PEX11G: variants seen among roughly 807,000 people sequenced by gnomAD.
PEX11G encodes the protein peroxisomal biogenesis factor 11 gamma.
PEX11G carries 20 observed loss-of-function variants against 22.5 expected under a neutral mutation model. That is an observed-to-expected ratio of 0.89 (90% CI 0.62 to 1.29). The LOEUF is 1.29. Ranked by LOEUF, PEX11G falls within the 50% of genes most tolerant of loss-of-function variation. The pLI is 0.00. For missense variants in PEX11G, 347 were observed against 331.3 expected (o/e 1.05, Z -0.37); for synonymous variants, 141 against 154.5 (o/e 0.91, Z 0.65).
chr19:7,494,107 C>T (rs1307247662), intron 1 of PEX11G, among the ~76,000 whole-genome samples: 1 of 151,996 alleles, frequency 6.6e-6, no homozygotes, highest in Non-Finnish European at 1.5e-5. Context: ...GGGTTTTGCC[C>T]TGTTGGCCAG....
At chr19:7,489,076 C>T (rs1014726728), upstream of PEX11G, 3 of 1,424,320 alleles carry the variant, frequency 2.1e-6, no homozygotes, top group East Asian at 5.6e-5. Context: ...GGCCGGGGTA[C>T]CGGGAGCGCC....
intron 3 of PEX11G, among the ~76,000 whole-genome samples, chr19:7,479,164 T>C (rs982542824): frequency 6.6e-6 from 1 of 152,142 alleles, no homozygotes; most frequent in Non-Finnish European, 1.5e-5. Context: ...AAAACACTGA[T>C]TCCTGGGCTC....
At chr19:7,487,936 C>A (rs2021736086) in intron 1 of PEX11G, among the ~76,000 whole-genome samples, 1 of 152,130 alleles carries the variant, frequency 6.6e-6, no homozygotes, top group South Asian at 2.1e-4. Flanking sequence ...CCTGGTACAA[C>A]CTGAATGTCT....
At chr19:7,484,996 G>T (rs953817718) in intron 2 of PEX11G, among the ~76,000 whole-genome samples, 1 of 152,134 alleles carries the variant, frequency 6.6e-6, no homozygotes, top group African/African-American at 2.4e-5. Context: ...GGAGCACTTT[G>T]GGACAAGACT....
Position 7,477,364 on chromosome 19 carries a change from G to A in PEX11G, c.564C>T (p.Asn188=). 1.3e-5 allele frequency: 21 copies of A among 1,560,044 alleles called. No homozygotes were observed. Among genetic ancestry groups the A allele is most frequent in the Non-Finnish European group, 1.7e-5 (20 of 1,154,790 alleles). Reference sequence around the variant, plus strand: ...GCACGGCGTTGGCCAGGTCGGCCAGGTTGCTGAGAAGTGACAGCGCCTCCG... The same window carrying A: ...GCACGGCGTTGGCCAGGTCGGCCAGATTGCTGAGAAGTGACAGCGCCTCCG... The part of the protein sequence containing the change: ...MQSEALSLLS[N]LADLANAVHW... Residue 188 remains asparagine, a synonymous_variant, in exon 5 of 5, where the codon AAC becomes AAT. Transcript: ENST00000221480.
chr19:7,489,551 G>T, upstream of PEX11G: 1 of 947,834 alleles, frequency 1.1e-6, no homozygotes, highest in Non-Finnish European at 1.3e-6. Flanking sequence ...GCACAATTCA[G>T]TGACATTAGT....
rs1225538622 is a variant in PEX11G, at chr19:7,478,397, G to A, written c.429-21C>T. ...GGGACCTGCAGCACCAGAGCCCGAG[G>A]GAGGATGCCCCGGCGGGGAGCAGGA... On this transcript the variant is annotated intron_variant, in intron 3 of 4. Coordinates refer to ENST00000221480, the MANE Select transcript of PEX11G (RefSeq NM_080662.4). 32 of 1,602,062 alleles carry A rather than the reference G, an allele frequency of 2.0e-5. No homozygotes were observed. The East Asian group carries it at 7.0e-4, about 35-fold the overall frequency.
At chr19:7,485,349 T>C (rs907001584) in intron 2 of PEX11G, among the ~76,000 whole-genome samples, 2 of 151,474 alleles carry the variant, frequency 1.3e-5, no homozygotes, top group African/African-American at 4.9e-5. Context: ...TTTTGTATTA[T>C]CAGTAGAGAC....
upstream of PEX11G, among the ~76,000 whole-genome samples, chr19:7,491,346 G>A (rs1003642762): frequency 1.4e-5 from 2 of 143,030 alleles, no homozygotes; most frequent in Non-Finnish European, 3.0e-5. Flanking sequence ...CTCAGCTCAC[G>A]GCAGCCTCCG....
In PEX11G at chr19:7,481,978, TA is replaced by T. The variant is rs1465395939; in HGVS notation, c.428+54del. 35 of 1,465,152 alleles carry T rather than the reference TA, an allele frequency of 2.4e-5. No homozygotes were observed. In the Admixed American group the frequency reaches 8.4e-4, roughly 35 times the overall value. 90.8% of individuals were successfully genotyped at this position (1,465,152 alleles called of 1,614,324 possible). ...GTTGCTGGGGCCGCTGCCACTTTGC[TA>T]AGGAGGCACCGCCCAGGGACCTTGG... On this transcript the variant is annotated intron_variant, in intron 3 of 4. Coordinates refer to ENST00000221480, the MANE Select transcript of PEX11G (RefSeq NM_080662.4).
upstream of PEX11G, among the ~76,000 whole-genome samples, chr19:7,490,725 C>T (rs889450056): frequency 2.9e-5 from 4 of 135,824 alleles, no homozygotes; most frequent in African/African-American, 1.1e-4. Flanking sequence ...GAAGCCGCCA[C>T]TTGTGTGCTC....
In PEX11G at chr19:7,494,924, G is replaced by A. The variant is rs554193333; in HGVS notation, c.-457+2479C>T. Among the ~76,000 whole-genome samples, 223 of 152,222 alleles carry A rather than the reference G, an allele frequency of 1.5e-3. 1 individual carries two copies. The highest frequency in any genetic ancestry group is 5.1e-3 in the African/African-American group (213 of 41,544). Reference sequence around the variant, plus strand: ...TCTGCTACTAGCTAATACCAGCAACGGCTGTTCCTTACCAAGCACAGCTTT... The same window carrying A: ...TCTGCTACTAGCTAATACCAGCAACAGCTGTTCCTTACCAAGCACAGCTTT... On this transcript the variant is annotated intron_variant, in intron 1 of 6. Coordinates refer to the PEX11G transcript ENST00000593942.
At chr19:7,478,480 G>A (rs1240524121) in intron 3 of PEX11G, 104 bp from the exon 4 acceptor site, 73 of 1,230,192 alleles carry the variant, frequency 5.9e-5, no homozygotes, top group Admixed American at 1.6e-4. Flanking sequence ...GCTGCATCTC[G>A]GATAAACGGC....
At chr19:7,486,089 C>A in intron 1 of PEX11G, 63 bp from the exon 2 acceptor site, 1 of 1,422,200 alleles carries the variant, frequency 7.0e-7, no homozygotes. Flanking sequence ...CTGCATCCCC[C>A]CATACCTGGC....
At position 7,488,939 on chromosome 19, in the gene PEX11G, C is replaced by A. The variant is rs1367839232; in HGVS notation, c.60+12G>T. 22 of 1,550,512 alleles carry A rather than the reference C, an allele frequency of 1.4e-5. No individual in the cohort carries two copies. The Admixed American group carries it at 4.3e-4, about 30-fold the overall frequency. The stretch of plus-strand genomic sequence containing the variant: ...CTCTAGGACCTCCGGCCCCGGTCCG[C>A]CCCTGCCTCACCAGGCGGTCCCGGC... On this transcript the variant is annotated intron_variant, in intron 1 of 4. Transcript: ENST00000221480.
chr19:7,479,559 G>A (rs1168579360), intron 3 of PEX11G, among the ~76,000 whole-genome samples: 1 of 152,240 alleles, frequency 6.6e-6, no homozygotes, highest in Non-Finnish European at 1.5e-5. Flanking sequence ...TGCTCCGGCA[G>A]CCCTGGGCCT....
At chr19:7,484,002 C>T (rs1977629781) in intron 2 of PEX11G, among the ~76,000 whole-genome samples, 1 of 151,834 alleles carries the variant, frequency 6.6e-6, no homozygotes, top group African/African-American at 2.4e-5. Flanking sequence ...TAAATAAATC[C>T]GAAGCTGCAT....
chr19:7,483,433 C>G (rs1387994608), intron 2 of PEX11G: 1 of 152,556 alleles, frequency 6.6e-6, no homozygotes, highest in African/African-American at 2.4e-5. Context: ...CAGAGGCTCA[C>G]CAGGGCAGGG....
At chr19:7,483,071 G>T (rs142625845) in intron 2 of PEX11G, among the ~76,000 whole-genome samples, 5,330 of 142,758 alleles carry the variant, frequency 0.037, 305 homozygotes, top group African/African-American at 0.11. Context: ...CCGCCCCCTT[G>T]GGACCCCACC....
Sources: gnomAD v4.1 joint callset for allele counts (sites outside exome capture counted in the v4.1 genomes callset) on GRCh38, gnomAD v4.1.1 for gene constraint, MANE v1.5 for transcripts, NCBI Gene and HGNC (gene_info 2026-07-23, HGNC 2026-07-21) for gene names.